The following DRG2 variants were observed in gnomAD, a reference collection of about 807,000 sequenced individuals.
DRG2 encodes the protein developmentally regulated GTP binding protein 2, also known as developmentally-regulated GTP-binding protein 2.
A neutral mutation model predicts 53.4 loss-of-function variants in DRG2; 36 were observed. The ratio of observed to expected loss-of-function variants is 0.67; its 90% CI spans 0.52 to 0.89. The LOEUF (loss-of-function observed/expected upper bound fraction) is 0.89. Ranked by LOEUF, DRG2 falls within the 40% of genes least tolerant of loss-of-function variation. The probability of loss-of-function intolerance (pLI) is 0.00; values close to 1 mark genes in which losing one functional copy is unlikely to be tolerated. For synonymous variants in DRG2, 167 were observed against 192.1 expected (o/e 0.87, Z 1.08); for missense variants, 342 against 481.2 (o/e 0.71, Z 2.71).
chr17:18,094,048 C>T lies in DRG2; in HGVS notation c.225+75C>T. On this transcript the variant is annotated intron_variant, in intron 2 of 12. Coordinates refer to ENST00000225729, the MANE Select transcript of DRG2 (RefSeq NM_001388.5). ...TTCAAACAGGTGACCATCCAGGCTC[C>T]CCTCGCTGCCTTTCTGCTTAGCTCC... The T allele has an allele frequency of 3.9e-6, 6 of 1,543,878 alleles. No homozygotes were observed. In the South Asian group the frequency reaches 6.1e-5, roughly 16 times the overall value.
At position 18,107,274 on chromosome 17, in the gene DRG2, G is replaced by A. The variant is rs988919763; in HGVS notation, c.*34G>A. The A allele has an allele frequency of 9.4e-6, 15 of 1,603,030 alleles. No individual in the cohort carries two copies. The highest frequency in any genetic ancestry group is 1.7e-5 in the Admixed American group (1 of 59,678). ...GCCGGGCCTCCCGCCCACCTGCCTC[G>A]TCTCCCTGGGGAGGTGGTCCCACTG... On this transcript the variant is annotated 3_prime_UTR_variant, in exon 13 of 13. Transcript: ENST00000225729.
At chr17:18,094,442 G>C (rs1436164765) in intron 2 of DRG2, among the ~76,000 whole-genome samples, 2 of 152,198 alleles carry the variant, frequency 1.3e-5, no homozygotes, top group South Asian at 2.1e-4. Flanking sequence ...TCTGGTGAGT[G>C]AGTATTTGGG....
At position 18,099,522 on chromosome 17, in the gene DRG2, A is replaced by G. The variant is rs1316067090; in HGVS notation, c.377-111A>G. 2.8e-6 allele frequency: 3 copies of G among 1,081,160 alleles called. No individual in the cohort carries two copies. Among genetic ancestry groups the G allele is most frequent in the East Asian group, 5.2e-5 (2 of 38,646 alleles). The allele number at this position is 1,081,160 out of a possible 1,614,324, so 67.0% of individuals were successfully genotyped here. ...AGAAAAATGCCAAGCTTGTGCTAGT[A>G]TGTGGCAGAGGCTGTGGTAGGTCTG... On this transcript the variant is annotated intron_variant, in intron 4 of 12. Transcript: ENST00000225729. The surrounding 1 kb of genome is among the most constrained non-coding windows in gnomAD (Gnocchi z 4.4).
chr17:18,096,664 G>C (rs995433852), intron 2 of DRG2: 2 of 152,288 alleles, frequency 1.3e-5, no homozygotes, highest in African/African-American at 4.8e-5. Context: ...TCTGGGCGCT[G>C]ACTTACTTTT....
At chr17:18,088,588 T>C (rs1355421808) in intron 1 of DRG2, among the ~76,000 whole-genome samples, 3 of 152,194 alleles carry the variant, frequency 2.0e-5, no homozygotes, top group Non-Finnish European at 4.4e-5. Flanking sequence ...CATTGGAAAG[T>C]CACTTCATTT....
chr17:18,090,187 CTTTTTTTT>C lies in DRG2; in HGVS notation c.64+2117_64+2124del, dbSNP rs764657114. 3.4e-3 allele frequency among the ~76,000 whole-genome samples: 240 copies of C among 70,280 alleles called. 1 individual carries two copies. The highest frequency in any genetic ancestry group is 7.0e-3 in the Admixed American group (35 of 5,008). 46.1% of individuals were successfully genotyped at this position (70,280 alleles called of 152,430 possible). The stretch of plus-strand genomic sequence containing the variant: ...ATGTGTACCTGACTGACACTGAATC[CTTTTTTTT>C]TTTTTTTTTTTTTTTTGAGACAGTC... On this transcript the variant is annotated intron_variant, in intron 1 of 12. Transcript: ENST00000225729.
chr17:18,102,596 G>C lies in DRG2; in HGVS notation c.806+599G>C, dbSNP rs548296983. On this transcript the variant is annotated intron_variant, in intron 9 of 12. Coordinates refer to ENST00000225729, the MANE Select transcript of DRG2 (RefSeq NM_001388.5). ...AGATCATGCCACTGCACTCCAGCCT[G>C]GGCGACAGAGCAAGACTCCATCTCA... is the stretch of plus-strand genomic sequence containing the variant. Among the ~76,000 whole-genome samples, 5 of 139,992 alleles carry C rather than the reference G, an allele frequency of 3.6e-5. No homozygotes were observed. The East Asian group carries it at 1.0e-3, about 29-fold the overall frequency. 91.8% of individuals were successfully genotyped at this position (139,992 alleles called of 152,430 possible). A position where few individuals can be genotyped will look rare whatever the true frequency, so the allele number is the denominator to read the frequency against.
chr17:18,094,974 CAA>C (rs1165321853), intron 2 of DRG2, among the ~76,000 whole-genome samples: 252 of 25,276 alleles, frequency 1.0e-2, no homozygotes, highest in African/African-American at 0.026. Flanking sequence ...AACTCCATCT[CAA>C]AAAAAAAAAA....
rs771641761 is a variant in DRG2, at chr17:18,099,711, G to A, written c.455G>A (p.Gly152Glu). The A allele has an allele frequency of 6.2e-7, 1 of 1,604,186 alleles. No homozygotes were observed. Among genetic ancestry groups the A allele is most frequent in the East Asian group, 2.2e-5 (1 of 44,464 alleles). ...ATCATGATGCTGGATGCCACCAAGG[G>A]AGAGGTGCAGAGGTCCGCAGGGTGG... is the stretch of plus-strand genomic sequence containing the variant. Reference protein sequence around the residue: ...VIIMMLDATKGEVQRSLLEKE... With the variant: ...VIIMMLDATKEEVQRSLLEKE... The change falls in exon 5 of 13, where the codon GGA becomes GAA. Residue 152 changes from glycine (G) to glutamate (E), a missense_variant. Gly to Glu is a moderately conservative substitution (Grantham distance 98). Transcript: ENST00000225729. This position sits in a 1 kb window ranked among gnomAD's most constrained non-coding sequence, Gnocchi z 4.4.
chr17:18,100,150 G>A lies in DRG2; in HGVS notation c.468-213G>A, dbSNP rs1200930418. 24 of 612,464 alleles carry A rather than the reference G, an allele frequency of 3.9e-5. 1 individual carries two copies. Among genetic ancestry groups the A allele is most frequent in the Non-Finnish European group, 5.5e-5 (19 of 347,678 alleles). 37.9% of individuals were successfully genotyped at this position (612,464 alleles called of 1,614,324 possible). ...CACCACTTGCCTGTGCATGCCGACCGTAAACCGGGCCAGTCCCCTCTGGGA... is the reference window on the plus strand; with the variant it reads ...CACCACTTGCCTGTGCATGCCGACCATAAACCGGGCCAGTCCCCTCTGGGA... On this transcript the variant is annotated intron_variant, in intron 5 of 12. Transcript: ENST00000225729. The surrounding 1 kb of genome is among the most constrained non-coding windows in gnomAD (Gnocchi z 4.1).
chr17:18,092,589 A>G (rs1018213280), intron 1 of DRG2, among the ~76,000 whole-genome samples: 1 of 152,226 alleles, frequency 6.6e-6, no homozygotes, highest in South Asian at 2.1e-4. Context: ...CACCATTTAC[A>G]GTCCTGAAAT....
rs971537329 is a variant in DRG2 at position 18,107,663 on chromosome 17, C to T, written c.*423C>T. 1.1e-4 allele frequency: 23 copies of T among 204,072 alleles called. No homozygotes were observed. Among genetic ancestry groups the T allele is most frequent in the Non-Finnish European group, 8.1e-5 (8 of 98,748 alleles). 12.6% of individuals were successfully genotyped at this position (204,072 alleles called of 1,614,324 possible). ...ACCTCACTCCCTCAGCTCTTGCCAGCTTCTCTGACACTTGGGTTGGGGGCC... is the reference window on the plus strand; with the variant it reads ...ACCTCACTCCCTCAGCTCTTGCCAGTTTCTCTGACACTTGGGTTGGGGGCC... On this transcript the variant is annotated 3_prime_UTR_variant, in exon 13 of 13. Transcript: ENST00000225729.
Position 18,087,985 on chromosome 17 carries a change from GCCGCCA to G in DRG2, c.-34_-29del. ...CCGTCAGACCGGAATTGCCGGTGCC[GCCGCCA>G]CCGCTGTCTGTGCGCCCACCTCTGC... is the stretch of plus-strand genomic sequence containing the variant. On this transcript the variant is annotated 5_prime_UTR_variant, in exon 1 of 13. Transcript: ENST00000225729. 1.3e-6 allele frequency: 2 copies of G among 1,542,252 alleles called. No individual in the cohort carries two copies. Among genetic ancestry groups the G allele is most frequent in the Non-Finnish European group, 1.7e-6 (2 of 1,144,054 alleles).
In DRG2 at chr17:18,099,732, G is replaced by A. The variant is rs1487948017; in HGVS notation, c.467+9G>A. On this transcript the variant is annotated intron_variant, in intron 5 of 12. Transcript: ENST00000225729. The surrounding 1 kb of genome is among the most constrained non-coding windows in gnomAD (Gnocchi z 4.4). ...AAGGGAGAGGTGCAGAGGTCCGCAG[G>A]GTGGGGCATGGGGCAGGCTCACATG... is the stretch of plus-strand genomic sequence containing the variant. 6.3e-7 allele frequency: 1 copy of A among 1,595,080 alleles called. No homozygotes were observed.
At chr17:18,096,227 C>T (rs1173340870) in intron 2 of DRG2, 1 of 152,196 alleles carries the variant, frequency 6.6e-6, no homozygotes, top group Non-Finnish European at 1.5e-5. Context: ...TCTCTTCTCC[C>T]CTTGCCATGC....
Position 18,088,041 on chromosome 17 carries a change from G to C in DRG2, c.18G>C (p.Lys6Asn). 2 of 1,550,004 alleles carry C rather than the reference G, an allele frequency of 1.3e-6. No individual in the cohort carries two copies. Among genetic ancestry groups the C allele is most frequent in the Non-Finnish European group, 1.7e-6 (2 of 1,146,390 alleles). The change falls in exon 1 of 13, where the codon AAG (lysine) becomes AAC (asparagine). Residue 6 changes from lysine (K) to asparagine (N), a missense_variant. Physicochemically the swap from Lys to Asn is moderately conservative, Grantham distance 94. Coordinates refer to ENST00000225729, the MANE Select transcript of DRG2 (RefSeq NM_001388.5). Reference sequence around the variant, plus strand: ...CTGCTACCATGGGGATCTTAGAGAAGATCTCGGAGATCGAGAAGGAGATCG... The same window carrying C: ...CTGCTACCATGGGGATCTTAGAGAACATCTCGGAGATCGAGAAGGAGATCG... MGILE[K>N]ISEIEKEIAR...
Position 18,107,635 on chromosome 17 carries a change from G to A in DRG2, c.*395G>A, listed in dbSNP as rs2045666882. On this transcript the variant is annotated 3_prime_UTR_variant, in exon 13 of 13. Coordinates refer to ENST00000225729, the MANE Select transcript of DRG2 (RefSeq NM_001388.5). ...CCCTGGAGGCTGTGGCTGCTGTCATGGCACCTCACTCCCTCAGCTCTTGCC... is the reference window on the plus strand; with the variant it reads ...CCCTGGAGGCTGTGGCTGCTGTCATAGCACCTCACTCCCTCAGCTCTTGCC... 1 of 218,578 alleles carries A rather than the reference G, an allele frequency of 4.6e-6. No individual in the cohort carries two copies. The highest frequency in any genetic ancestry group is 9.3e-6 in the Non-Finnish European group (1 of 107,370). 13.5% of individuals were successfully genotyped at this position (218,578 alleles called of 1,614,324 possible). A position where few individuals can be genotyped will look rare whatever the true frequency, so the allele number is the denominator to read the frequency against.
Position 18,106,483 on chromosome 17 carries a change from G to A in DRG2, c.1005G>A (p.Val335=). 1 of 1,613,954 alleles carries A rather than the reference G, an allele frequency of 6.2e-7. No homozygotes were observed. The highest frequency in any genetic ancestry group is 8.5e-7 in the Non-Finnish European group (1 of 1,179,910). Residue 335 remains valine (V), a synonymous_variant, in exon 12 of 13, where the codon GTG becomes GTA. Transcript: ENST00000225729. The stretch of plus-strand genomic sequence containing the variant: ...CCAGCCAGTTCAAGTACGCCCTGGT[G>A]TGGGTGAGTCTCTGGGTGGAAAGCA... ...SLASQFKYAL[V]WGTSTKYSPQ...
intron 2 of DRG2, chr17:18,095,283 A>AT (rs1186110433): frequency 1.3e-5 from 2 of 150,866 alleles, no homozygotes; most frequent in Non-Finnish European, 3.0e-5. Flanking sequence ...AAGTGCTGGG[A>AT]TTACAGGTAT....
Sources: allele counts gnomAD v4.1 joint callset (sites outside exome capture counted in the v4.1 genomes callset), GRCh38; gene constraint gnomAD v4.1.1; non-coding constraint Gnocchi (gnomAD v3.1); transcripts MANE v1.5; gene names NCBI Gene and HGNC (gene_info 2026-07-23, HGNC 2026-07-21).